Variants in INPP4B observed in about 807,000 individuals in gnomAD.
INPP4B encodes inositol polyphosphate-4-phosphatase type II B.
INPP4B carries 55 observed loss-of-function variants against 122.5 expected under a neutral mutation model. That is an observed-to-expected ratio of 0.45 (90% CI 0.36 to 0.56). INPP4B has a LOEUF of 0.56. Among genes scored for constraint, INPP4B ranks in the 20% least tolerant of loss-of-function variants. The pLI is 0.00. For synonymous variants in INPP4B, 403 were observed against 388.7 expected, an observed-to-expected ratio of 1.04 and a Z score of -0.43; for missense variants, 1,000 against 1,097.7, an observed-to-expected ratio of 0.91 and a Z score of 1.26.
chr4:142,546,912 G>T (rs1829706129), intron 2 of INPP4B, among the ~76,000 whole-genome samples: 1 of 151,884 alleles, frequency 6.6e-6, no homozygotes, highest in East Asian at 1.9e-4. Context: ...AATATAGAAA[G>T]TATCTATAAC....
intron 1 of INPP4B, chr4:142,766,090 T>C (rs1772079757): frequency 6.6e-6 from 1 of 152,098 alleles, no homozygotes; most frequent in Non-Finnish European, 1.5e-5. Flanking sequence ...TAATCACAGA[T>C]ATTGGAATCA....
At chr4:142,603,925 C>T (rs1275407977) in intron 2 of INPP4B, among the ~76,000 whole-genome samples, 1 of 151,826 alleles carries the variant, frequency 6.6e-6, no homozygotes, top group Non-Finnish European at 1.5e-5. Context: ...CACACACACA[C>T]ACACAAAGTA....
At chr4:142,382,515 C>CA (rs1049003834) in intron 7 of INPP4B, among the ~76,000 whole-genome samples, 1 of 146,686 alleles carries the variant, frequency 6.8e-6, no homozygotes, top group African/African-American at 2.5e-5. Flanking sequence ...TCAAAAAAAA[C>CA]AAAAAACATA....
At chr4:142,616,706 T>G (rs1580513070) in intron 2 of INPP4B, among the ~76,000 whole-genome samples, 1 of 152,242 alleles carries the variant, frequency 6.6e-6, no homozygotes, top group Admixed American at 6.5e-5. Flanking sequence ...CATTGATGGA[T>G]GACTGAATTT....
chr4:142,260,650 T>A, intron 10 of INPP4B, 86 bp from the exon 11 acceptor site: 1 of 862,676 alleles, frequency 1.2e-6, no homozygotes, highest in South Asian at 1.6e-5. Flanking sequence ...AACATAAGGC[T>A]ATGTACATGG....
At chr4:142,075,477 A>G (rs1489755293) in intron 25 of INPP4B, among the ~76,000 whole-genome samples, 1 of 151,908 alleles carries the variant, frequency 6.6e-6, no homozygotes, top group Non-Finnish European at 1.5e-5. Flanking sequence ...AGATTTCCAA[A>G]CCCTGTAGCC....
At chr4:142,446,177 T>G (rs1422766096) in intron 3 of INPP4B, among the ~76,000 whole-genome samples, 1 of 151,868 alleles carries the variant, frequency 6.6e-6, no homozygotes, top group Non-Finnish European at 1.5e-5. Flanking sequence ...AAGATTTATT[T>G]TCCAGAATAT....
chr4:142,734,026 A>G (rs1766467581), intron 1 of INPP4B, among the ~76,000 whole-genome samples: 1 of 152,186 alleles, frequency 6.6e-6, no homozygotes, highest in Admixed American at 6.6e-5. Context: ...TATGGGCTCA[A>G]TTGCATCCCC....
chr4:142,454,963 C>T (rs1379525245), intron 3 of INPP4B, among the ~76,000 whole-genome samples: 1 of 151,850 alleles, frequency 6.6e-6, no homozygotes, highest in African/African-American at 2.4e-5. Context: ...GAGAAGTTAA[C>T]CTTAATACAA....
intron 19 of INPP4B, among the ~76,000 whole-genome samples, chr4:142,124,239 T>C (rs1306840022): frequency 6.6e-6 from 1 of 152,156 alleles, no homozygotes; most frequent in East Asian, 1.9e-4. Flanking sequence ...AAGTCCTAGC[T>C]TGTCACCTGG....
intron 21 of INPP4B, among the ~76,000 whole-genome samples, chr4:142,120,040 T>C (rs1472476775): frequency 6.6e-6 from 1 of 151,938 alleles, no homozygotes; most frequent in Non-Finnish European, 1.5e-5. Context: ...TGTGTATGTG[T>C]AAATTCTTCT....
chr4:142,831,607 C>T (rs956702272), intron 1 of INPP4B, among the ~76,000 whole-genome samples: 1 of 152,146 alleles, frequency 6.6e-6, no homozygotes, highest in African/African-American at 2.4e-5. Flanking sequence ...CTTGTGTTTT[C>T]AATGAATTAT....
intron 21 of INPP4B, among the ~76,000 whole-genome samples, chr4:142,118,594 T>C (rs55666838): frequency 0.13 from 20,421 of 152,076 alleles, 1,541 homozygotes; most frequent in East Asian, 0.23. Flanking sequence ...TAGCCATATG[T>C]AGAAAGTTGA....
At chr4:142,115,303 A>G (rs186423183) in intron 21 of INPP4B, among the ~76,000 whole-genome samples, 3 of 152,310 alleles carry the variant, frequency 2.0e-5, no homozygotes, top group African/African-American at 7.2e-5. Flanking sequence ...TTCAAGAAAT[A>G]CAGAGAACAC....
intron 1 of INPP4B, among the ~76,000 whole-genome samples, chr4:142,739,397 T>C (rs1419332710): frequency 6.6e-6 from 1 of 152,046 alleles, no homozygotes; most frequent in African/African-American, 2.4e-5. Context: ...ATTTGTCCAA[T>C]AGGAAAATAT....
At chr4:142,057,345 T>C (rs1367125275) in intron 25 of INPP4B, among the ~76,000 whole-genome samples, 1 of 152,128 alleles carries the variant, frequency 6.6e-6, no homozygotes, top group East Asian at 1.9e-4. Flanking sequence ...AAGTTCTTTA[T>C]TGGCTGCCTC....
intron 1 of INPP4B, among the ~76,000 whole-genome samples, chr4:142,802,323 C>A (rs909573392): frequency 6.6e-6 from 1 of 152,142 alleles, no homozygotes; most frequent in African/African-American, 2.4e-5. Context: ...CTAAAGTTTT[C>A]TTCTAGATAA....
intron 3 of INPP4B, among the ~76,000 whole-genome samples, chr4:142,438,057 CA>C (rs2149419626): frequency 6.6e-6 from 1 of 152,150 alleles, no homozygotes; most frequent in South Asian, 2.1e-4. Flanking sequence ...CAAGGGGACA[CA>C]AATAAATGGA....
chr4:142,344,131 C>T (rs1040309655), intron 7 of INPP4B, among the ~76,000 whole-genome samples: 2 of 151,804 alleles, frequency 1.3e-5, no homozygotes, highest in Non-Finnish European at 2.9e-5. Flanking sequence ...CCATTCATAC[C>T]ATCTAAAATA....
Sources: allele counts gnomAD v4.1 joint callset (sites outside exome capture counted in the v4.1 genomes callset), GRCh38; gene constraint gnomAD v4.1.1; transcripts MANE v1.5; gene names NCBI Gene and HGNC (gene_info 2026-07-23, HGNC 2026-07-21).